Variants in ZBTB43 observed in about 807,000 individuals in gnomAD.
ZBTB43 encodes the protein zinc finger and BTB domain containing 43.
In ZBTB43, 6 loss-of-function variants were observed where a neutral mutation model predicts 31.1. That is an observed-to-expected ratio of 0.19 (90% CI 0.11 to 0.38). The LOEUF is 0.38. Among genes scored for constraint, ZBTB43 ranks in the 10% least tolerant of loss-of-function variants. ZBTB43 has a pLI of 1.00. For missense variants in ZBTB43, 379 were observed against 602.1 expected (o/e 0.63, Z 3.88); for synonymous variants, 212 against 221.7 (o/e 0.96, Z 0.39).
chr9:126,818,277 TA>T (rs1382120768), intron 2 of ZBTB43, among the ~76,000 whole-genome samples: 1 of 150,188 alleles, frequency 6.7e-6, no homozygotes, highest in East Asian at 1.9e-4. Flanking sequence ...TGTGCACCAC[TA>T]TTCCTGGCTA....
At chr9:126,822,200 G>C (rs898368721) in intron 2 of ZBTB43, among the ~76,000 whole-genome samples, 1 of 149,126 alleles carries the variant, frequency 6.7e-6, no homozygotes, top group Non-Finnish European at 1.5e-5. Context: ...ATCTGCTATG[G>C]TTAGTGTTAG....
intron 2 of ZBTB43, among the ~76,000 whole-genome samples, chr9:126,828,455 C>G: frequency 6.6e-6 from 1 of 150,742 alleles, no homozygotes; most frequent in East Asian, 2.0e-4. Flanking sequence ...AGTGCTGTGA[C>G]TACAGGTGTG....
chr9:126,828,277 G>A lies in ZBTB43; in HGVS notation c.-23-4210G>A, dbSNP rs539071325. ...CGGCTCACTGCAAGCTCCACCTTCC[G>A]GGTTCACTCCATTCTCCTGCCTCAG... On this transcript the variant is annotated intron_variant, in intron 2 of 2. Coordinates refer to ENST00000373464, the MANE Select transcript of ZBTB43 (RefSeq NM_014007.4). Among the ~76,000 whole-genome samples, 159 of 151,330 alleles carry A rather than the reference G, an allele frequency of 1.1e-3. No individual in the cohort carries two copies. In the Middle Eastern group the frequency reaches 0.028, roughly 26 times the overall value.
At chr9:126,817,601 G>A (rs564723887) in intron 2 of ZBTB43, among the ~76,000 whole-genome samples, 44 of 150,828 alleles carry the variant, frequency 2.9e-4, no homozygotes, top group Non-Finnish European at 6.0e-4. Flanking sequence ...TCAGCCTCCC[G>A]AGCAGCTGGG....
At chr9:126,813,749 G>A (rs2032300669) in intron 2 of ZBTB43, among the ~76,000 whole-genome samples, 1 of 152,134 alleles carries the variant, frequency 6.6e-6, no homozygotes, top group South Asian at 2.1e-4. Context: ...AAGTGAGATT[G>A]GCTTGTAGGG....
chr9:126,809,061 C>T (rs1417337203), intron 2 of ZBTB43, 146 bp downstream of exon 2: 4 of 152,184 alleles, frequency 2.6e-5, no homozygotes, highest in Non-Finnish European at 2.9e-5. Context: ...AGAGATGTTA[C>T]ACCTTCTAAG....
intron 2 of ZBTB43, among the ~76,000 whole-genome samples, chr9:126,821,605 C>T (rs2032509955): frequency 6.6e-6 from 1 of 151,992 alleles, no homozygotes; most frequent in South Asian, 2.1e-4. Context: ...AGAAGTGGAG[C>T]CTGAAGATGG....
At chr9:126,828,290 TCTC>T (rs1222698653) in intron 2 of ZBTB43, among the ~76,000 whole-genome samples, 1 of 151,202 alleles carries the variant, frequency 6.6e-6, no homozygotes, top group Non-Finnish European at 1.5e-5. Flanking sequence ...TTCACTCCAT[TCTC>T]CTGCCTCAGC....
At chr9:126,825,197 T>C (rs1400244522) in intron 2 of ZBTB43, among the ~76,000 whole-genome samples, 2 of 152,182 alleles carry the variant, frequency 1.3e-5, no homozygotes, top group Non-Finnish European at 2.9e-5. Context: ...CACCTCAGCC[T>C]CCCAGAGTGC....
intron 2 of ZBTB43, chr9:126,831,830 C>A (rs1414656860): frequency 6.6e-6 from 1 of 150,734 alleles, no homozygotes; most frequent in East Asian, 1.9e-4. Flanking sequence ...TAGTGGCGGG[C>A]GCCTATAATC....
chr9:126,833,665 CAGAG>C lies in ZBTB43; in HGVS notation c.1160_1163del (p.Arg387IlefsTer4). On this transcript the variant is annotated frameshift_variant, in exon 3 of 3. Coordinates refer to ENST00000373464, the MANE Select transcript of ZBTB43 (RefSeq NM_014007.4). LOFTEE classifies it high-confidence loss of function. This position sits in a 1 kb window ranked among gnomAD's most constrained non-coding sequence, Gnocchi z 7.9. ...TGGGAAAAGTTTCACTCACAAGAGT[CAGAG>C]AGATCGGCACATGAGCATGCACCTC... 1 of 1,612,400 alleles carries C rather than the reference CAGAG, an allele frequency of 6.2e-7. No homozygotes were observed. Among genetic ancestry groups the C allele is most frequent in the Non-Finnish European group, 8.5e-7 (1 of 1,178,526 alleles).
chr9:126,806,685 C>T (rs1027414430), intron 1 of ZBTB43, among the ~76,000 whole-genome samples: 10 of 152,116 alleles, frequency 6.6e-5, no homozygotes, highest in African/African-American at 1.9e-4. Context: ...ATTGGAGACT[C>T]CTGAAACCAA....
In ZBTB43 at chr9:126,832,847, G is replaced by A. The variant is rs2032791519; in HGVS notation, c.338G>A (p.Trp113Ter). 3 of 1,614,054 alleles carry A rather than the reference G, an allele frequency of 1.9e-6. No individual in the cohort carries two copies. Among genetic ancestry groups the A allele is most frequent in the Non-Finnish European group, 2.5e-6 (3 of 1,180,022 alleles). Residue 113 changes from tryptophan to a stop codon, truncating the protein, a stop_gained, in exon 3 of 3, where the codon TGG becomes TAG. Transcript: ENST00000373464. LOFTEE classifies it high-confidence loss of function. ...YLTAASFLQM[W>*]HVVDKCTEVL... Reference sequence around the variant, plus strand: ...ACAGCGGCAAGCTTCCTCCAGATGTGGCATGTGGTAGACAAATGCACTGAA... The same window carrying A: ...ACAGCGGCAAGCTTCCTCCAGATGTAGCATGTGGTAGACAAATGCACTGAA...
chr9:126,826,782 G>C (rs1219948672), intron 2 of ZBTB43, among the ~76,000 whole-genome samples: 8 of 152,004 alleles, frequency 5.3e-5, no homozygotes, highest in African/African-American at 1.7e-4. Context: ...CCTTTTTATA[G>C]TTTCTGTCTC....
chr9:126,827,620 C>T (rs973419756), intron 2 of ZBTB43, among the ~76,000 whole-genome samples: 2 of 152,192 alleles, frequency 1.3e-5, no homozygotes, highest in Non-Finnish European at 2.9e-5. Flanking sequence ...GAGGAACCAA[C>T]CCATGGAGCT....
intron 2 of ZBTB43, among the ~76,000 whole-genome samples, chr9:126,814,296 A>C (rs2032316133): frequency 2.0e-5 from 3 of 151,214 alleles, no homozygotes; most frequent in Admixed American, 6.6e-5. Context: ...CATCTGTAAA[A>C]TTTTTACAGA....
rs1231731132 is a variant in ZBTB43 at position 126,833,353 on chromosome 9, G to A, written c.844G>A (p.Val282Met). The A allele has an allele frequency of 1.2e-6, 2 of 1,613,176 alleles. No individual in the cohort carries two copies. The highest frequency in any genetic ancestry group is 2.2e-5 in the East Asian group (1 of 44,856). ...CAACACCGTGCAGACAGAGCACACG[G>A]TGCAGCCTTCGGGAGTGGAGGAGGA... ...SINTVQTEHT[V>M]QPSGVEEDFH... Residue 282 changes from valine to methionine, a missense_variant, in exon 3 of 3, where the codon GTG (valine) becomes ATG (methionine). Physicochemically the swap from Val to Met is conservative, Grantham distance 21. Around this residue, in one of 5 missense-constraint regions of ZBTB43, gnomAD observed 253 missense variants for 322.3 expected, o/e 0.79. Transcript: ENST00000373464. This position sits in a 1 kb window ranked among gnomAD's most constrained non-coding sequence, Gnocchi z 7.9.
rs1489064553 is a variant in ZBTB43 at position 126,835,130 on chromosome 9, T to G, written c.*1217T>G. ...TGGAATGTGTTTGTAAAAGGAGTCC[T>G]AAGTTTAGCAAGGTAGTCTACAGAA... On this transcript the variant is annotated 3_prime_UTR_variant, in exon 3 of 3. Coordinates refer to ENST00000373464, the MANE Select transcript of ZBTB43 (RefSeq NM_014007.4). 6.0e-6 allele frequency: 1 copy of G among 167,020 alleles called. No individual in the cohort carries two copies. The highest frequency in any genetic ancestry group is 2.4e-5 in the African/African-American group (1 of 41,424). 10.3% of individuals were successfully genotyped at this position (167,020 alleles called of 1,614,324 possible).
chr9:126,815,268 AAAACTATATATATATAGTTTTCAATATAT>A (rs1423816352), intron 2 of ZBTB43, among the ~76,000 whole-genome samples: 9 of 127,774 alleles, frequency 7.0e-5, no homozygotes, highest in Non-Finnish European at 1.3e-4. Flanking sequence ...TTCAATATAT[AAAACTATATATATATAGTTTTCAATATAT>A]AAAACTATAT....
Sources: gnomAD v4.1 joint callset for allele counts (sites outside exome capture counted in the v4.1 genomes callset) on GRCh38, gnomAD v4.1.1 for gene constraint, gnomAD v4.1.1 regional missense constraint, Gnocchi (gnomAD v3.1) non-coding constraint, MANE v1.5 for transcripts, NCBI Gene and HGNC (gene_info 2026-07-23, HGNC 2026-07-21) for gene names.